SAMMSON: variants seen among roughly 807,000 people sequenced by gnomAD.
SAMMSON encodes the protein survival associated mitochondrial melanoma specific oncogenic non-coding RNA, also known as long intergenic non-protein coding RNA 1212.
intron 4 of SAMMSON, among the ~76,000 whole-genome samples, chr3:70,123,962 G>A (rs967045553): frequency 6.6e-6 from 1 of 152,244 alleles, no homozygotes; most frequent in Non-Finnish European, 1.5e-5. Context: ...TGCAGGGAGT[G>A]AGAGCCATTT....
At chr3:70,364,412 C>A (rs377503119) in intron 9 of SAMMSON, among the ~76,000 whole-genome samples, 1 of 151,940 alleles carries the variant, frequency 6.6e-6, no homozygotes, top group African/African-American at 2.4e-5. Flanking sequence ...TGCTGCTCAA[C>A]AAAGCTCTTT....
At chr3:70,170,036 T>C (rs1273008209) in intron 4 of SAMMSON, among the ~76,000 whole-genome samples, 4 of 151,956 alleles carry the variant, frequency 2.6e-5, no homozygotes, top group African/African-American at 9.7e-5. Flanking sequence ...CCTTTAGCCC[T>C]CTGGAAGCAG....
chr3:70,147,225 T>G (rs6549280), intron 4 of SAMMSON, among the ~76,000 whole-genome samples: 150,201 of 152,080 alleles, frequency 0.99, 74,200 homozygotes, highest in East Asian at 1. Context: ...CTATACATAG[T>G]GAAGATATCA....
chr3:70,022,597 G>A lies in SAMMSON; in HGVS notation n.417+8925G>A, dbSNP rs1481618491. Reference sequence around the variant, plus strand: ...TATTGCAAAATCTATGTAGCACTCTGACTTGTATCATAAATTCCAAAGACA... The same window carrying A: ...TATTGCAAAATCTATGTAGCACTCTAACTTGTATCATAAATTCCAAAGACA... On this transcript the variant is annotated intron_variant and non_coding_transcript_variant, in intron 3 of 9. Transcript: ENST00000642114. Among the ~76,000 whole-genome samples, 5 of 152,088 alleles carry A rather than the reference G, an allele frequency of 3.3e-5. 1 individual carries two copies. Among genetic ancestry groups the A allele is most frequent in the Admixed American group, 6.6e-5 (1 of 15,254 alleles).
intron 3 of SAMMSON, among the ~76,000 whole-genome samples, chr3:70,020,021 C>G (rs1045543737): frequency 1.3e-5 from 2 of 152,096 alleles, no homozygotes; most frequent in East Asian, 1.9e-4. Context: ...GCTTGGCTCT[C>G]TTTTCACAGG....
At chr3:70,111,196 A>T (rs143529853) in intron 4 of SAMMSON, among the ~76,000 whole-genome samples, 34 of 152,314 alleles carry the variant, frequency 2.2e-4, no homozygotes, top group African/African-American at 8.2e-4. Context: ...TTGCAATACA[A>T]CAGTTAGTGA....
At chr3:70,061,305 C>T (rs1009744245) in intron 3 of SAMMSON, among the ~76,000 whole-genome samples, 1 of 152,106 alleles carries the variant, frequency 6.6e-6, no homozygotes, top group Non-Finnish European at 1.5e-5. Context: ...ATGACCAAGT[C>T]TAGGGACCAT....
At chr3:70,046,705 A>G (rs1215383685) in intron 3 of SAMMSON, among the ~76,000 whole-genome samples, 1 of 152,144 alleles carries the variant, frequency 6.6e-6, no homozygotes, top group Non-Finnish European at 1.5e-5. Context: ...TTATTATTGT[A>G]CAGTTCTGGG....
chr3:70,135,043 G>C (rs1219175293), intron 4 of SAMMSON, among the ~76,000 whole-genome samples: 4 of 152,130 alleles, frequency 2.6e-5, no homozygotes, highest in Non-Finnish European at 1.5e-5. Context: ...GAATCATTTT[G>C]AAATCATTGA....
At chr3:70,343,901 G>GTA (rs1016685503) in intron 7 of SAMMSON, among the ~76,000 whole-genome samples, 3 of 149,228 alleles carry the variant, frequency 2.0e-5, no homozygotes, top group African/African-American at 7.3e-5. Context: ...ACATTATAAT[G>GTA]TATATATATA....
intron 6 of SAMMSON, among the ~76,000 whole-genome samples, chr3:70,266,595 T>A (rs1324284483): frequency 6.6e-6 from 1 of 151,818 alleles, no homozygotes; most frequent in Non-Finnish European, 1.5e-5. Flanking sequence ...AGGGTGAATT[T>A]TTTTATTTTT....
chr3:70,288,692 C>G (rs1702193632), intron 6 of SAMMSON, among the ~76,000 whole-genome samples: 1 of 151,898 alleles, frequency 6.6e-6, no homozygotes, highest in South Asian at 2.1e-4. Flanking sequence ...GTGTGGAAGT[C>G]TAAGTCTCTT....
At chr3:70,353,357 T>C (rs1331292919) in intron 7 of SAMMSON, among the ~76,000 whole-genome samples, 1 of 151,964 alleles carries the variant, frequency 6.6e-6, no homozygotes, top group African/African-American at 2.4e-5. Flanking sequence ...CTAGAATATA[T>C]AAAGAACTCA....
At chr3:70,415,280 G>A (rs1461104210) in intron 2 of SAMMSON, among the ~76,000 whole-genome samples, 1 of 152,110 alleles carries the variant, frequency 6.6e-6, no homozygotes, top group Admixed American at 6.5e-5. Flanking sequence ...GTTGCCCTTG[G>A]CAATGGGTCT....
chr3:70,220,258 A>T (rs1241587229), intron 4 of SAMMSON, among the ~76,000 whole-genome samples: 1 of 152,062 alleles, frequency 6.6e-6, no homozygotes, highest in African/African-American at 2.4e-5. Flanking sequence ...AGAAGAAAAT[A>T]TGCCGCATTA....
At chr3:70,372,732 A>G (rs924482622) in intron 9 of SAMMSON, among the ~76,000 whole-genome samples, 2 of 152,178 alleles carry the variant, frequency 1.3e-5, no homozygotes, top group Non-Finnish European at 2.9e-5. Flanking sequence ...TCTTGTAGAA[A>G]TCAAAAGTTT....
intron 6 of SAMMSON, among the ~76,000 whole-genome samples, chr3:70,253,109 T>C (rs758428377): frequency 6.6e-6 from 1 of 151,894 alleles, no homozygotes; most frequent in Non-Finnish European, 1.5e-5. Flanking sequence ...GAGAAACTAA[T>C]ACCTAAAATA....
intron 7 of SAMMSON, among the ~76,000 whole-genome samples, chr3:70,321,492 G>A (rs550445828): frequency 3.9e-5 from 6 of 151,934 alleles, no homozygotes; most frequent in Non-Finnish European, 8.8e-5. Flanking sequence ...TCCCGTTAAT[G>A]GATATTTGGG....
Position 70,297,801 on chromosome 3 carries a change from G to A in SAMMSON, n.739+6558G>A, listed in dbSNP as rs369484094. On this transcript the variant is annotated intron_variant and non_coding_transcript_variant, in intron 7 of 9. Transcript: ENST00000642114. ...CTAAAGAAAAAGCTTAAACTAAAAA[G>A]TGTTATTATCATAAACTCACAGGCT... 2.0e-5 allele frequency among the ~76,000 whole-genome samples: 3 copies of A among 151,996 alleles called. No homozygotes were observed. The East Asian group carries it at 5.8e-4, about 29-fold the overall frequency.
Sources: gnomAD v4.1 joint callset for allele counts (sites outside exome capture counted in the v4.1 genomes callset) on GRCh38, gnomAD v4.1.1 for gene constraint, MANE v1.5 for transcripts, NCBI Gene and HGNC (gene_info 2026-07-23, HGNC 2026-07-21) for gene names.